NLGN1: variants seen among roughly 807,000 people sequenced by gnomAD.
The protein encoded by NLGN1 is neuroligin-1.
A neutral mutation model predicts 65.5 loss-of-function variants in NLGN1; 12 were observed. The observed-to-expected ratio is 0.18, with a 90% CI of 0.12 to 0.30. The LOEUF (loss-of-function observed/expected upper bound fraction) is 0.30. Among genes scored for constraint, NLGN1 ranks in the 10% least tolerant of loss-of-function variants. The probability of loss-of-function intolerance (pLI) is 1.00; values close to 1 mark genes in which losing one functional copy is unlikely to be tolerated. For missense variants in NLGN1, 750 were observed against 1,007.1 expected, an observed-to-expected ratio of 0.74 and a Z score of 3.46; for synonymous variants, 350 against 359.5, an observed-to-expected ratio of 0.97 and a Z score of 0.30.
At chr3:173,591,595 G>A (rs1372901268) in intron 2 of NLGN1, among the ~76,000 whole-genome samples, 2 of 152,154 alleles carry the variant, frequency 1.3e-5, no homozygotes, top group Non-Finnish European at 1.5e-5. Context: ...ATCCTCCAAG[G>A]GGTCAAGATT....
At chr3:173,863,058 G>C (rs1037200242) in intron 4 of NLGN1, among the ~76,000 whole-genome samples, 1 of 151,736 alleles carries the variant, frequency 6.6e-6, no homozygotes, top group Non-Finnish European at 1.5e-5. Context: ...TAGTCTATGT[G>C]AACCAGTAAG....
Position 173,946,021 on chromosome 3 carries a change from T to G in NLGN1, c.646+138189T>G, listed in dbSNP as rs578016135. ...AACTGATGCTGAGCATATGTTTATGTGTCTGTGCCATCTGCCCTTTTCCTT... is the reference window on the plus strand; with the variant it reads ...AACTGATGCTGAGCATATGTTTATGGGTCTGTGCCATCTGCCCTTTTCCTT... On this transcript the variant is annotated intron_variant, in intron 4 of 6. Transcript: ENST00000457714. Among the ~76,000 whole-genome samples, 4 of 152,370 alleles carry G rather than the reference T, an allele frequency of 2.6e-5. No individual in the cohort carries two copies. The South Asian group carries it at 8.3e-4, about 32-fold the overall frequency.
At chr3:173,661,690 C>A (rs1203660149) in intron 3 of NLGN1, among the ~76,000 whole-genome samples, 1 of 151,926 alleles carries the variant, frequency 6.6e-6, no homozygotes, top group East Asian at 1.9e-4. Flanking sequence ...TTATCTTAAG[C>A]TATCTCTTAA....
intron 4 of NLGN1, among the ~76,000 whole-genome samples, chr3:173,986,592 C>T (rs754935285): frequency 4.6e-5 from 7 of 151,990 alleles, no homozygotes; most frequent in Admixed American, 1.3e-4. Context: ...AAGGAACTAA[C>T]CTTGCCTACC....
At chr3:173,713,868 T>G (rs921920644) in intron 3 of NLGN1, among the ~76,000 whole-genome samples, 2 of 152,238 alleles carry the variant, frequency 1.3e-5, no homozygotes, top group East Asian at 3.9e-4. Flanking sequence ...TATTGTAGGG[T>G]GCATTGTTAT....
In NLGN1 at chr3:173,864,518, A is replaced by G. The variant is rs80177553; in HGVS notation, c.646+56686A>G. Among the ~76,000 whole-genome samples the G allele has an allele frequency of 7.7e-3, 1,170 of 152,328 alleles. 16 individuals carry two copies. The highest frequency in any genetic ancestry group is 0.026 in the African/African-American group (1,098 of 41,580). On this transcript the variant is annotated intron_variant, in intron 4 of 6. Transcript: ENST00000457714. ...CTTTTGAATTTTCAGACTACCTGGC[A>G]TCTTTAACACAGTAATAAAACATAT...
chr3:174,035,388 G>C (rs1266133597), intron 4 of NLGN1, among the ~76,000 whole-genome samples: 1 of 152,114 alleles, frequency 6.6e-6, no homozygotes, highest in Non-Finnish European at 1.5e-5. Flanking sequence ...TTGCTGCTCA[G>C]GTAGGCAAGA....
At chr3:173,666,561 G>C (rs1761722272) in intron 3 of NLGN1, among the ~76,000 whole-genome samples, 1 of 152,112 alleles carries the variant, frequency 6.6e-6, no homozygotes, top group African/African-American at 2.4e-5. Flanking sequence ...AGAGTTTAAG[G>C]ATGTCTCCTT....
chr3:173,497,764 A>C (rs1730278112), intron 2 of NLGN1, among the ~76,000 whole-genome samples: 1 of 151,898 alleles, frequency 6.6e-6, no homozygotes, highest in Non-Finnish European at 1.5e-5. Flanking sequence ...AAAAATCAAT[A>C]TTCAAGGCCC....
chr3:173,471,726 G>A (rs983998947), intron 2 of NLGN1, among the ~76,000 whole-genome samples: 1 of 152,062 alleles, frequency 6.6e-6, no homozygotes, highest in Non-Finnish European at 1.5e-5. Context: ...CAACAGATGT[G>A]CTTTTGTTCT....
intron 3 of NLGN1, among the ~76,000 whole-genome samples, chr3:173,647,461 G>A (rs560746779): frequency 1.3e-5 from 2 of 152,172 alleles, no homozygotes; most frequent in South Asian, 2.1e-4. Flanking sequence ...ACAAGTTGCA[G>A]TACATTTAAA....
At chr3:174,044,879 T>TA (rs1733195220) in intron 4 of NLGN1, among the ~76,000 whole-genome samples, 1 of 152,114 alleles carries the variant, frequency 6.6e-6, no homozygotes, top group Non-Finnish European at 1.5e-5. Context: ...AATGATCTTA[T>TA]AAGGGGTTTC....
intron 4 of NLGN1, among the ~76,000 whole-genome samples, chr3:174,197,778 A>G (rs73168470): frequency 0.41 from 46,080 of 111,078 alleles, 8,447 homozygotes; most frequent in Non-Finnish European, 0.47. Flanking sequence ...GTGTGTGTGT[A>G]TGTAGATAAG....
At chr3:173,991,806 T>C (rs992693029) in intron 4 of NLGN1, among the ~76,000 whole-genome samples, 1 of 151,960 alleles carries the variant, frequency 6.6e-6, no homozygotes, top group Admixed American at 6.6e-5. Flanking sequence ...TTTTTTGTTG[T>C]TGTTGTTGTT....
At chr3:173,608,708 C>A (rs774751486) in intron 3 of NLGN1, among the ~76,000 whole-genome samples, 1 of 151,648 alleles carries the variant, frequency 6.6e-6, no homozygotes, top group Non-Finnish European at 1.5e-5. Flanking sequence ...TGATGATTTC[C>A]ATAGCAGAGA....
chr3:173,821,447 T>C (rs1720277280), intron 4 of NLGN1, among the ~76,000 whole-genome samples: 1 of 152,214 alleles, frequency 6.6e-6, no homozygotes, highest in African/African-American at 2.4e-5. Context: ...CTTTATGTTT[T>C]TGACTTTGTA....
chr3:173,628,968 A>T (rs1273129122), intron 3 of NLGN1, among the ~76,000 whole-genome samples: 3 of 147,218 alleles, frequency 2.0e-5, no homozygotes, highest in Non-Finnish European at 4.5e-5. Flanking sequence ...TGCTGGGATT[A>T]CACGCTGAAT....
At chr3:173,735,805 A>C (rs1387774036) in intron 3 of NLGN1, among the ~76,000 whole-genome samples, 2 of 152,166 alleles carry the variant, frequency 1.3e-5, no homozygotes, top group South Asian at 2.1e-4. Context: ...CTCATATTGC[A>C]CAAGGGACTG....
chr3:173,528,824 C>T (rs1370923160), intron 2 of NLGN1, among the ~76,000 whole-genome samples: 1 of 152,022 alleles, frequency 6.6e-6, no homozygotes, highest in Non-Finnish European at 1.5e-5. Flanking sequence ...ACATCTATCT[C>T]TTCCTTCATT....
Sources: allele counts gnomAD v4.1 joint callset (sites outside exome capture counted in the v4.1 genomes callset), GRCh38; gene constraint gnomAD v4.1.1; transcripts MANE v1.5; gene names NCBI Gene and HGNC (gene_info 2026-07-23, HGNC 2026-07-21).